Variants in L3MBTL4 observed in about 807,000 individuals in gnomAD.
L3MBTL4 encodes lethal(3)malignant brain tumor-like protein 4.
L3MBTL4 carries 70 observed loss-of-function variants against 84.5 expected under a neutral mutation model. The observed-to-expected ratio is 0.83, with a 90% CI of 0.68 to 1.01. The LOEUF (loss-of-function observed/expected upper bound fraction) is 1.01, where lower values mean the gene tolerates loss of function less well. Among genes scored for constraint, L3MBTL4 ranks in the 50% least tolerant of loss-of-function variants. The pLI, the probability that L3MBTL4 is intolerant of heterozygous loss-of-function variation, is 0.00. For synonymous variants in L3MBTL4, 274 were observed against 259.8 expected (o/e 1.05, Z -0.52); for missense variants, 715 against 754.8 (o/e 0.95, Z 0.62).
At position 6,219,115 on chromosome 18, in the gene L3MBTL4, T is replaced by G. The variant is rs551145588; in HGVS notation, c.785-3280A>C. 1.1e-4 allele frequency among the ~76,000 whole-genome samples: 16 copies of G among 152,226 alleles called. 1 individual carries two copies. Among genetic ancestry groups the G allele is most frequent in the Admixed American group, 9.2e-4 (14 of 15,294 alleles). On this transcript the variant is annotated intron_variant, in intron 10 of 18. Transcript: ENST00000317931. Reference sequence around the variant, plus strand: ...TGAGGTACACTTTTATCTACATTTTTTAGGTGAGAACTTGAGCCTTGAGCA... The same window carrying G: ...TGAGGTACACTTTTATCTACATTTTGTAGGTGAGAACTTGAGCCTTGAGCA...
intron 16 of L3MBTL4, chr18:6,025,248 T>C (rs997931482): frequency 6.6e-6 from 1 of 152,174 alleles, no homozygotes; most frequent in African/African-American, 2.4e-5. Flanking sequence ...CAGGTAAATG[T>C]CACAAAAATA....
intron 13 of L3MBTL4, among the ~76,000 whole-genome samples, chr18:6,170,498 T>C (rs1397933157): frequency 6.6e-6 from 1 of 151,980 alleles, no homozygotes; most frequent in Non-Finnish European, 1.5e-5. Context: ...AAGCAAACGG[T>C]AGAAAGAGCA....
In L3MBTL4 at chr18:6,359,332, C is replaced by T. The variant is rs138893493; in HGVS notation, c.-90-47276G>A. 3.2e-4 allele frequency among the ~76,000 whole-genome samples: 49 copies of T among 152,122 alleles called. 2 individuals are homozygous for T. The East Asian group carries it at 9.5e-3, about 30-fold the overall frequency. ...TGGTGGCACATGCCTGTAATCCCAGCTATTTGGGAGGCTGAGGCAGGAGAA... is the reference window on the plus strand; with the variant it reads ...TGGTGGCACATGCCTGTAATCCCAGTTATTTGGGAGGCTGAGGCAGGAGAA... On this transcript the variant is annotated intron_variant, in intron 1 of 18. Transcript: ENST00000317931.
intron 1 of L3MBTL4, among the ~76,000 whole-genome samples, chr18:6,401,803 G>A (rs955500581): frequency 1.3e-5 from 2 of 152,222 alleles, no homozygotes; most frequent in East Asian, 1.9e-4. Context: ...GGGCACAAAG[G>A]CATTAAGAAA....
At chr18:6,000,172 A>G (rs2054151897) in intron 16 of L3MBTL4, among the ~76,000 whole-genome samples, 1 of 152,238 alleles carries the variant, frequency 6.6e-6, no homozygotes, top group East Asian at 1.9e-4. Context: ...GAATGAGACC[A>G]GTAAAATCTA....
intron 13 of L3MBTL4, among the ~76,000 whole-genome samples, chr18:6,156,435 T>TTCA (rs1568216806): frequency 0.013 from 1,998 of 152,254 alleles, 46 homozygotes; most frequent in African/African-American, 0.045. Flanking sequence ...AGACAGTCAG[T>TTCA]TGATTGCTCA....
chr18:6,239,972 T>C (rs1599294698), intron 8 of L3MBTL4, 100 bp from the exon 9 acceptor site: 2 of 1,237,234 alleles, frequency 1.6e-6, no homozygotes, highest in East Asian at 4.8e-5. Context: ...CAGCAAAGTC[T>C]ACAGGTGTCA....
chr18:6,053,580 G>A (rs190582693), intron 16 of L3MBTL4, among the ~76,000 whole-genome samples: 1 of 152,274 alleles, frequency 6.6e-6, no homozygotes, highest in East Asian at 1.9e-4. Flanking sequence ...TTCACTAATA[G>A]ACTGACTCAC....
rs2048556390 is a variant in L3MBTL4 at position 6,264,760 on chromosome 18, G to A, written c.128-722C>T. On this transcript the variant is annotated intron_variant, in intron 4 of 18. Transcript: ENST00000317931. ...GATCGCACTACTGCACTCCAGCCTG[G>A]GCCACAAGAGCGAAATCTCATCTTG... is the stretch of plus-strand genomic sequence containing the variant. Among the ~76,000 whole-genome samples the A allele has an allele frequency of 3.9e-5, 6 of 152,270 alleles. 1 individual carries two copies. In the South Asian group the frequency reaches 1.2e-3, roughly 32 times the overall value.
Position 5,969,849 on chromosome 18 carries a change from T to C in L3MBTL4, c.1445-287A>G, listed in dbSNP as rs1474474302. 2.0e-5 allele frequency among the ~76,000 whole-genome samples: 3 copies of C among 152,302 alleles called. No individual in the cohort carries two copies. The East Asian group carries it at 5.8e-4, about 29-fold the overall frequency. On this transcript the variant is annotated intron_variant, in intron 16 of 18. Coordinates refer to ENST00000317931, the MANE Select transcript of L3MBTL4 (RefSeq NM_001330559.2). ...TGCTGTTTGATGGCCAATGAAGGGCTCGCTTGTCACTGCCACTGGCTTCTC... is the reference window on the plus strand; with the variant it reads ...TGCTGTTTGATGGCCAATGAAGGGCCCGCTTGTCACTGCCACTGGCTTCTC...
At chr18:6,041,772 G>A (rs1489145893) in intron 16 of L3MBTL4, among the ~76,000 whole-genome samples, 3 of 151,840 alleles carry the variant, frequency 2.0e-5, no homozygotes, top group Non-Finnish European at 2.9e-5. Context: ...TTGCCTAGGC[G>A]GGAGTTCAAT....
At chr18:6,098,371 C>T (rs1327313028) in intron 14 of L3MBTL4, among the ~76,000 whole-genome samples, 1 of 152,206 alleles carries the variant, frequency 6.6e-6, no homozygotes, top group African/African-American at 2.4e-5. Flanking sequence ...AACCTCTAGG[C>T]TCTAAGCCCC....
At chr18:6,117,475 T>C (rs2059393811) in intron 14 of L3MBTL4, among the ~76,000 whole-genome samples, 1 of 152,218 alleles carries the variant, frequency 6.6e-6, no homozygotes, top group African/African-American at 2.4e-5. Flanking sequence ...CAACAGCAAC[T>C]GATTTGAGTG....
At chr18:6,316,484 A>G (rs2146996499) in intron 1 of L3MBTL4, among the ~76,000 whole-genome samples, 1 of 152,232 alleles carries the variant, frequency 6.6e-6, no homozygotes, top group African/African-American at 2.4e-5. Context: ...GGTCTTGGAG[A>G]AGGGGACTTC....
intron 1 of L3MBTL4, among the ~76,000 whole-genome samples, chr18:6,319,722 C>T (rs1427746207): frequency 2.6e-5 from 4 of 152,070 alleles, no homozygotes; most frequent in African/African-American, 9.7e-5. Flanking sequence ...GGTGCCAGTC[C>T]TTCTGAAACT....
At chr18:6,209,802 T>C (rs747784525) in intron 12 of L3MBTL4, among the ~76,000 whole-genome samples, 24 of 152,208 alleles carry the variant, frequency 1.6e-4, no homozygotes, top group Admixed American at 4.6e-4. Flanking sequence ...TGGCTATTAT[T>C]CAGAAATAAA....
chr18:5,994,756 G>T (rs756270388), intron 16 of L3MBTL4, among the ~76,000 whole-genome samples: 1 of 152,108 alleles, frequency 6.6e-6, no homozygotes, highest in Non-Finnish European at 1.5e-5. Flanking sequence ...ATACTTGCTG[G>T]GTTCTCCTTA....
intron 1 of L3MBTL4, among the ~76,000 whole-genome samples, chr18:6,387,689 G>T (rs1466188848): frequency 6.6e-6 from 1 of 152,156 alleles, no homozygotes; most frequent in Non-Finnish European, 1.5e-5. Flanking sequence ...AAATTTAATT[G>T]TTAGCATCTT....
chr18:6,236,840 A>G (rs1229439112), intron 10 of L3MBTL4, among the ~76,000 whole-genome samples: 1 of 152,182 alleles, frequency 6.6e-6, no homozygotes, highest in African/African-American at 2.4e-5. Context: ...CACTAAATTC[A>G]AGAATTTGAT....
Sources: allele counts gnomAD v4.1 joint callset (sites outside exome capture counted in the v4.1 genomes callset), GRCh38; gene constraint gnomAD v4.1.1; transcripts MANE v1.5; gene names NCBI Gene and HGNC (gene_info 2026-07-23, HGNC 2026-07-21).